ULK4: variants seen among roughly 807,000 people sequenced by gnomAD.
ULK4 encodes the protein unc-51 like kinase 4, also known as inactive serine/threonine-protein kinase ULK4.
In ULK4, 133 loss-of-function variants were observed where a neutral mutation model predicts 160.6. That is an observed-to-expected ratio of 0.83 (90% confidence interval 0.72 to 0.96). The LOEUF is 0.96. ULK4 is among the 40% of genes least tolerant of loss of function. The pLI is 0.00. For missense variants in ULK4, 1,580 were observed against 1,499.5 expected (o/e 1.05, Z -0.89); for synonymous variants, 534 against 539.8 (o/e 0.99, Z 0.15).
At chr3:41,616,497 C>A (rs1452557448) in intron 30 of ULK4, among the ~76,000 whole-genome samples, 1 of 152,154 alleles carries the variant, frequency 6.6e-6, no homozygotes, top group African/African-American at 2.4e-5. Context: ...AGAGGGATAG[C>A]AGAAGCAGGG....
intron 19 of ULK4, among the ~76,000 whole-genome samples, chr3:41,807,115 C>A (rs536065748): frequency 6.6e-6 from 1 of 151,106 alleles, no homozygotes; most frequent in South Asian, 2.1e-4. Context: ...GCAATACAGC[C>A]AGATCTTGTC....
intron 34 of ULK4, among the ~76,000 whole-genome samples, chr3:41,446,790 A>C (rs2083307191): frequency 6.6e-6 from 1 of 151,782 alleles, no homozygotes; most frequent in Non-Finnish European, 1.5e-5. Flanking sequence ...TGATGAGTTA[A>C]TGGGTGCAGC....
chr3:41,729,405 T>C (rs1193635949), intron 22 of ULK4, among the ~76,000 whole-genome samples: 1 of 152,168 alleles, frequency 6.6e-6, no homozygotes, highest in Non-Finnish European at 1.5e-5. Flanking sequence ...AAGCCGACAT[T>C]GTGTCCTATT....
intron 35 of ULK4, among the ~76,000 whole-genome samples, chr3:41,292,249 G>A (rs994998070): frequency 4.6e-5 from 7 of 152,180 alleles, no homozygotes; most frequent in African/African-American, 1.7e-4. Context: ...TAAATAATTT[G>A]TAAAGACAAG....
At chr3:41,850,743 TCC>T (rs2042190896) in intron 17 of ULK4, among the ~76,000 whole-genome samples, 1 of 152,242 alleles carries the variant, frequency 6.6e-6, no homozygotes, top group Admixed American at 6.5e-5. Flanking sequence ...AAAAATTTTC[TCC>T]CATTCTGTAG....
intron 29 of ULK4, among the ~76,000 whole-genome samples, chr3:41,669,844 T>C (rs1173661765): frequency 2.0e-5 from 3 of 151,576 alleles, no homozygotes; most frequent in African/African-American, 4.9e-5. Flanking sequence ...ACATAGACAA[T>C]AACAATACAA....
chr3:41,665,135 A>T (rs1336261479), intron 29 of ULK4, among the ~76,000 whole-genome samples: 1 of 152,242 alleles, frequency 6.6e-6, no homozygotes, highest in African/African-American at 2.4e-5. Context: ...AATCTATGAT[A>T]TAAAACAGAT....
rs201424516 is a variant in ULK4 at position 41,961,550 on chromosome 3, A to ACCCCCCCCCCCCCCCCCCCCCCCC, written c.-49+465_-49+466insGGGGGGGGGGGGGGGGGGGGGGGG. 1.6e-5 allele frequency among the ~76,000 whole-genome samples: 2 copies of ACCCCCCCCCCCCCCCCCCCCCCCC among 124,714 alleles called. 1 individual carries two copies. Among genetic ancestry groups the ACCCCCCCCCCCCCCCCCCCCCCCC allele is most frequent in the African/African-American group, 8.5e-5 (2 of 23,490 alleles). The allele number at this position is 124,714 out of a possible 152,430, so 81.8% of individuals were successfully genotyped here. ...ACTCAGGGGCGCTACGTAGTCACTC[A>ACCCCCCCCCCCCCCCCCCCCCCCC]CCCCCCCCCCCCCCCCCCCCGCTCC... On this transcript the variant is annotated intron_variant, in intron 1 of 36. Transcript: ENST00000301831.
intron 32 of ULK4, among the ~76,000 whole-genome samples, chr3:41,551,954 T>C (rs1459991071): frequency 2.6e-5 from 4 of 152,006 alleles, no homozygotes; most frequent in Non-Finnish European, 4.4e-5. Context: ...CAAGGATGGT[T>C]CAACATATGC....
At chr3:41,619,447 A>C (rs1171797250) in intron 30 of ULK4, among the ~76,000 whole-genome samples, 1 of 152,224 alleles carries the variant, frequency 6.6e-6, no homozygotes, top group Non-Finnish European at 1.5e-5. Context: ...GTGCAATCAA[A>C]TTCAGGATTA....
At chr3:41,264,753 G>A (rs774999007) in intron 35 of ULK4, among the ~76,000 whole-genome samples, 12 of 152,200 alleles carry the variant, frequency 7.9e-5, no homozygotes, top group Non-Finnish European at 1.6e-4. Flanking sequence ...GATTATATTA[G>A]ATGAGCATTC....
intron 7 of ULK4, among the ~76,000 whole-genome samples, 174 bp downstream of exon 7, chr3:41,918,283 C>A (rs1321250548): frequency 6.6e-6 from 1 of 152,058 alleles, no homozygotes; most frequent in Non-Finnish European, 1.5e-5. Flanking sequence ...TCTGTTTCAG[C>A]ATCTTTAAAA....
At chr3:41,560,918 G>C (rs1444442599) in intron 32 of ULK4, among the ~76,000 whole-genome samples, 1 of 152,212 alleles carries the variant, frequency 6.6e-6, no homozygotes, top group Non-Finnish European at 1.5e-5. Context: ...GGAATGGTGA[G>C]AGAAGGCATC....
chr3:41,342,687 T>A (rs1446714432), intron 35 of ULK4, among the ~76,000 whole-genome samples: 1 of 152,192 alleles, frequency 6.6e-6, no homozygotes, highest in Non-Finnish European at 1.5e-5. Flanking sequence ...GCCAGCATCA[T>A]CCTGATACCA....
At chr3:41,359,528 G>A (rs892169190) in intron 35 of ULK4, among the ~76,000 whole-genome samples, 1 of 152,188 alleles carries the variant, frequency 6.6e-6, no homozygotes, top group African/African-American at 2.4e-5. Context: ...TCCTGAAGCA[G>A]GAGTCACTGG....
chr3:41,867,886 G>A (rs1696953113), intron 17 of ULK4, among the ~76,000 whole-genome samples: 1 of 152,164 alleles, frequency 6.6e-6, no homozygotes, highest in African/African-American at 2.4e-5. Context: ...TGACCCATGA[G>A]TTACAAGCAT....
intron 22 of ULK4, among the ~76,000 whole-genome samples, chr3:41,722,808 G>A (rs9874975): frequency 0.32 from 48,506 of 151,922 alleles, 11,452 homozygotes; most frequent in African/African-American, 0.67. Context: ...ATATATAACC[G>A]TTTATTTAAC....
intron 17 of ULK4, among the ~76,000 whole-genome samples, chr3:41,867,418 C>G (rs1310849422): frequency 6.6e-6 from 1 of 152,186 alleles, no homozygotes; most frequent in Non-Finnish European, 1.5e-5. Flanking sequence ...GTCACCCAGG[C>G]TGGAGTGCAG....
chr3:41,635,623 A>G (rs2033923119), intron 30 of ULK4, among the ~76,000 whole-genome samples: 1 of 152,190 alleles, frequency 6.6e-6, no homozygotes, highest in South Asian at 2.1e-4. Context: ...TTTAGTGAGC[A>G]TGTACTGTGT....
Sources: allele counts gnomAD v4.1 joint callset (sites outside exome capture counted in the v4.1 genomes callset), GRCh38; gene constraint gnomAD v4.1.1; transcripts MANE v1.5; gene names NCBI Gene and HGNC (gene_info 2026-07-23, HGNC 2026-07-21).